Variants in ZMYM1 observed in about 807,000 individuals in gnomAD.
The protein encoded by ZMYM1 is zinc finger MYM-type protein 1.
ZMYM1 carries 39 observed loss-of-function variants against 60.0 expected under a neutral mutation model. That is an observed-to-expected ratio of 0.65 (90% CI 0.50 to 0.85). ZMYM1 has a LOEUF of 0.85. Among genes scored for constraint, ZMYM1 ranks in the 40% least tolerant of loss-of-function variants. ZMYM1 has a pLI of 0.00. For synonymous variants in ZMYM1, 413 were observed against 454.0 expected (o/e 0.91, Z 1.15); for missense variants, 1,171 against 1,309.5 (o/e 0.89, Z 1.63).
Position 35,094,097 on chromosome 1 carries a change from C to T in ZMYM1, c.96+14C>T. ...GACAATGCTCAAGTAAATATTTTCC[C>T]TTATTTCCATTATTTCTAGAGCAGC... On this transcript the variant is annotated intron_variant, in intron 2 of 9. Coordinates refer to ENST00000359858, the MANE Select transcript of ZMYM1 (RefSeq NM_024772.5). 3.8e-6 allele frequency: 6 copies of T among 1,596,698 alleles called. No individual in the cohort carries two copies. The African/African-American group carries it at 5.4e-5, about 14-fold the overall frequency.
rs1202944072 is a variant in ZMYM1 at position 35,114,138 on chromosome 1, ACT to A, written c.2312_2313del (p.Leu771GlnfsTer22). 1.9e-6 allele frequency: 3 copies of A among 1,609,618 alleles called. No individual in the cohort carries two copies. The highest frequency in any genetic ancestry group is 1.3e-5 in the African/African-American group (1 of 74,654). On this transcript the variant is annotated frameshift_variant, in exon 10 of 10. Coordinates refer to ENST00000359858, the MANE Select transcript of ZMYM1 (RefSeq NM_024772.5). LOFTEE classifies it high-confidence loss of function. Reference protein sequence around the residue: ...EVKELRSALKTLSSLFNTICM... With the variant: ...EVKELRSALKXLSSLFNTICM... Reference sequence around the variant, plus strand: ...AAAAGAACTCCGAAGTGCTCTAAAAACTCTCAGTTCTTTGTTCAACACTATTT... The same window carrying A: ...AAAAGAACTCCGAAGTGCTCTAAAAACTCAGTTCTTTGTTCAACACTATTT...
intron 1 of ZMYM1, among the ~76,000 whole-genome samples, chr1:35,062,084 C>T (rs755979009): frequency 3.3e-5 from 5 of 152,096 alleles, no homozygotes; most frequent in Non-Finnish European, 5.9e-5. Context: ...CCCATCTCGG[C>T]CTCCCAAAGT....
chr1:35,098,174 AAATT>A (rs1265287248), intron 4 of ZMYM1, among the ~76,000 whole-genome samples: 15 of 152,218 alleles, frequency 9.9e-5, no homozygotes, highest in African/African-American at 3.6e-4. Context: ...ACCTACTAAA[AAATT>A]AATCCTATGA....
chr1:35,082,623 G>T (rs1201484431), intron 1 of ZMYM1, among the ~76,000 whole-genome samples: 1 of 147,672 alleles, frequency 6.8e-6, no homozygotes, highest in Non-Finnish European at 1.5e-5. Context: ...GAGCCACCAC[G>T]CCTGGCCTGC....
At chr1:35,112,656 G>A (rs1055459804) in intron 9 of ZMYM1, among the ~76,000 whole-genome samples, 2 of 147,590 alleles carry the variant, frequency 1.4e-5, no homozygotes, top group African/African-American at 5.0e-5. Context: ...TATGGGGTGT[G>A]TGTGTATGTT....
chr1:35,068,688 A>T (rs904553564), intron 1 of ZMYM1, among the ~76,000 whole-genome samples: 7 of 150,878 alleles, frequency 4.6e-5, no homozygotes, highest in Non-Finnish European at 8.9e-5. Flanking sequence ...CTCTCATCTC[A>T]CACAAAAATT....
rs563584027 is a variant in ZMYM1 at position 35,090,707 on chromosome 1, G to T, written c.-74-3207G>T. ...CACACCTGTAATCCCAGCACTTTGG[G>T]AGGCCGAGGTGGGCGGATCACCTGA... On this transcript the variant is annotated intron_variant, in intron 1 of 9. Transcript: ENST00000359858. 2.0e-5 allele frequency among the ~76,000 whole-genome samples: 3 copies of T among 152,274 alleles called. No homozygotes were observed. The South Asian group carries it at 6.2e-4, about 32-fold the overall frequency.
intron 7 of ZMYM1, 100 bp downstream of exon 7, chr1:35,110,547 CTT>C (rs1644053411): frequency 2.0e-6 from 2 of 1,013,114 alleles, no homozygotes; most frequent in Non-Finnish European, 2.6e-6. Context: ...ATTAAACCGA[CTT>C]TTAAAAGTCA....
intron 1 of ZMYM1, among the ~76,000 whole-genome samples, chr1:35,092,604 CTTT>C (rs1220134269): frequency 7.2e-6 from 1 of 139,276 alleles, no homozygotes; most frequent in African/African-American, 3.1e-5. Flanking sequence ...TCCTACCTTC[CTTT>C]CTTTCTTTCT....
chr1:35,092,607 T>C (rs1306693294), intron 1 of ZMYM1, among the ~76,000 whole-genome samples: 4 of 141,348 alleles, frequency 2.8e-5, no homozygotes, highest in African/African-American at 9.0e-5. Context: ...TACCTTCCTT[T>C]CTTTCTTTCT....
At chr1:35,074,470 G>A (rs1251356056), upstream of ZMYM1, among the ~76,000 whole-genome samples, 10 of 151,814 alleles carry the variant, frequency 6.6e-5, no homozygotes, top group African/African-American at 1.4e-4. Flanking sequence ...GTGCAGTGGC[G>A]CCGTCTTGGC....
chr1:35,070,682 C>G (rs1642051292), intron 1 of ZMYM1, among the ~76,000 whole-genome samples: 1 of 152,016 alleles, frequency 6.6e-6, no homozygotes, highest in African/African-American at 2.4e-5. Context: ...TGTCTTCTTC[C>G]TGTTCTTACA....
upstream of ZMYM1, among the ~76,000 whole-genome samples, chr1:35,077,425 C>T (rs992223698): frequency 2.0e-5 from 3 of 152,304 alleles, no homozygotes; most frequent in South Asian, 6.2e-4. Context: ...CCAAAACAAA[C>T]CTCCTCCTTG....
At chr1:35,062,028 C>T (rs1161455562) in intron 1 of ZMYM1, among the ~76,000 whole-genome samples, 1 of 151,908 alleles carries the variant, frequency 6.6e-6, no homozygotes, top group Non-Finnish European at 1.5e-5. Context: ...GATGGGGTTT[C>T]ACCATGTTGG....
chr1:35,112,322 C>T (rs1343322640), intron 9 of ZMYM1, among the ~76,000 whole-genome samples, 192 bp downstream of exon 9: 1 of 151,452 alleles, frequency 6.6e-6, no homozygotes, highest in Non-Finnish European at 1.5e-5. Flanking sequence ...GGATTACCAG[C>T]GCCTGCTACC....
intron 1 of ZMYM1, among the ~76,000 whole-genome samples, chr1:35,079,694 T>G (rs1036477810): frequency 3.9e-5 from 6 of 152,214 alleles, no homozygotes; most frequent in African/African-American, 1.4e-4. Flanking sequence ...CTTCCAGCGA[T>G]TCTCGCCGCC....
At chr1:35,111,331 T>A (rs571042886) in intron 7 of ZMYM1, among the ~76,000 whole-genome samples, 1 of 152,190 alleles carries the variant, frequency 6.6e-6, no homozygotes, top group Non-Finnish European at 1.5e-5. Flanking sequence ...TCATACAAAC[T>A]GGCTTGTTAC....
At chr1:35,094,328 T>C (rs1643192226) in intron 2 of ZMYM1, among the ~76,000 whole-genome samples, 1 of 152,226 alleles carries the variant, frequency 6.6e-6, no homozygotes, top group African/African-American at 2.4e-5. Context: ...TTTAGGGTGT[T>C]GTGGGCCTAG....
chr1:35,097,473 C>T lies in ZMYM1; in HGVS notation c.326C>T (p.Ala109Val). Residue 109 changes from alanine (A) to valine (V), a missense_variant, in exon 4 of 10, where the codon GCT becomes GTT. Physicochemically the swap from Ala to Val is moderately conservative, Grantham distance 64. Coordinates refer to ENST00000359858, the MANE Select transcript of ZMYM1 (RefSeq NM_024772.5). ...GQTAYQRKGSAQLFCSIPCIT... is the reference protein window; with the variant it reads ...GQTAYQRKGSVQLFCSIPCIT... ...ACTGCTTATCAGAGGAAAGGATCTGCTCAACTTTTCTGCTCCATACCATGC... is the reference window on the plus strand; with the variant it reads ...ACTGCTTATCAGAGGAAAGGATCTGTTCAACTTTTCTGCTCCATACCATGC... 1 of 1,614,142 alleles carries T rather than the reference C, an allele frequency of 6.2e-7. No homozygotes were observed. The highest frequency in any genetic ancestry group is 1.1e-5 in the South Asian group (1 of 91,082).
Sources: allele counts gnomAD v4.1 joint callset (sites outside exome capture counted in the v4.1 genomes callset), GRCh38; gene constraint gnomAD v4.1.1; transcripts MANE v1.5; gene names NCBI Gene and HGNC (gene_info 2026-07-23, HGNC 2026-07-21).